PCDHGA9: variants seen among roughly 807,000 people sequenced by gnomAD.
PCDHGA9 encodes the protein protocadherin gamma subfamily A, 9.
A neutral mutation model predicts 62.5 loss-of-function variants in PCDHGA9; 37 were observed. That is an observed-to-expected ratio of 0.59 (90% CI 0.46 to 0.78). The LOEUF is 0.78. Ranked by LOEUF, PCDHGA9 falls within the 30% of genes least tolerant of loss-of-function variation. The pLI, the probability that PCDHGA9 is intolerant of heterozygous loss-of-function variation, is 0.00. For missense variants in PCDHGA9, 1,138 were observed against 1,166.2 expected, an observed-to-expected ratio of 0.98 and a Z score of 0.35; for synonymous variants, 459 against 484.6, an observed-to-expected ratio of 0.95 and a Z score of 0.69.
At position 141,485,325 on chromosome 5, in the gene PCDHGA9, A is replaced by T; in HGVS notation, c.2425-9482A>T. 6.2e-7 allele frequency: 1 copy of T among 1,614,078 alleles called. No homozygotes were observed. Among genetic ancestry groups the T allele is most frequent in the Non-Finnish European group, 8.5e-7 (1 of 1,180,014 alleles). ...ACTTTTGTAGGGAATGTCGCTCAAG[A>T]TTTCCTGCTGGATACGGACAGTCTG... is the stretch of plus-strand genomic sequence containing the variant. On this transcript the variant is annotated intron_variant, in intron 1 of 3. Coordinates refer to ENST00000573521, the MANE Select transcript of PCDHGA9 (RefSeq NM_018921.3). This position sits in a 1 kb window ranked among gnomAD's most constrained non-coding sequence, Gnocchi z 5.7.
At position 141,405,309 on chromosome 5, in the gene PCDHGA9, A is replaced by T. The variant is rs1019536231; in HGVS notation, c.2357A>T (p.Glu786Val). The change falls in exon 1 of 4, where the codon GAG becomes GTG. Residue 786 changes from glutamate (E) to valine (V), a missense_variant. Physicochemically the swap from Glu to Val is moderately radical, Grantham distance 121. Coordinates refer to ENST00000573521, the MANE Select transcript of PCDHGA9 (RefSeq NM_018921.3). ...ACACTCATCAGCCAGCAGAGCTGTGAGAAAAATGAGCCTTTGTGCGTCTCT... is the reference window on the plus strand; with the variant it reads ...ACACTCATCAGCCAGCAGAGCTGTGTGAAAAATGAGCCTTTGTGCGTCTCT... ...ADTLISQQSC[E>V]KNEPLCVSVD... The T allele has an allele frequency of 1.2e-6, 2 of 1,614,068 alleles. No homozygotes were observed. Among genetic ancestry groups the T allele is most frequent in the Non-Finnish European group, 1.7e-6 (2 of 1,180,028 alleles).
intron 1 of PCDHGA9, chr5:141,478,477 C>T: frequency 6.2e-7 from 1 of 1,613,796 alleles, no homozygotes; most frequent in Non-Finnish European, 8.5e-7. Flanking sequence ...GCCGCCAGAA[C>T]ACGCTGCGGA....
intron 3 of PCDHGA9, among the ~76,000 whole-genome samples, chr5:141,508,752 C>G (rs2099871515): frequency 6.6e-6 from 1 of 152,028 alleles, no homozygotes. Flanking sequence ...CGCTCTTTCT[C>G]TGGCGCCTCT....
intron 1 of PCDHGA9, among the ~76,000 whole-genome samples, chr5:141,472,192 C>A (rs2099274015): frequency 1.3e-5 from 2 of 152,134 alleles, no homozygotes; most frequent in South Asian, 2.1e-4. Context: ...GAATTTGAAT[C>A]TTTTTGACAC....
chr5:141,502,601 A>G (rs2099815205), intron 2 of PCDHGA9, among the ~76,000 whole-genome samples: 1 of 152,218 alleles, frequency 6.6e-6, no homozygotes, highest in Non-Finnish European at 1.5e-5. Flanking sequence ...ATATTTTAAA[A>G]TATTTGTGAA....
At chr5:141,481,531 G>A (rs1342825952) in intron 1 of PCDHGA9, among the ~76,000 whole-genome samples, 2 of 152,206 alleles carry the variant, frequency 1.3e-5, no homozygotes, top group African/African-American at 4.8e-5. Context: ...AAAATCTAGA[G>A]ATGGGGCTGG....
chr5:141,410,518 C>T (rs753664223), intron 1 of PCDHGA9: 1 of 1,613,820 alleles, frequency 6.2e-7, no homozygotes, highest in Non-Finnish European at 8.5e-7. Flanking sequence ...GCAGTGTGCC[C>T]CTACATTCCA....
chr5:141,427,825 C>A (rs1342117815), intron 1 of PCDHGA9: 1 of 1,536,464 alleles, frequency 6.5e-7, no homozygotes, highest in Non-Finnish European at 8.9e-7. Flanking sequence ...GTGGTGGTCG[C>A]GCAGCGTGCC....
Position 141,423,756 on chromosome 5 carries a change from G to GA in PCDHGA9, c.2424+18380_2424+18381insA. ...GCCTGTTATGAAAACTGTTTGGGGGGGGGGTGGGGCGGCATATATTTAGTT... is the reference window on the plus strand; with the variant it reads ...GCCTGTTATGAAAACTGTTTGGGGGGAGGGGTGGGGCGGCATATATTTAGTT... On this transcript the variant is annotated intron_variant, in intron 1 of 3. Transcript: ENST00000573521. 2 of 448,622 alleles carry GA rather than the reference G, an allele frequency of 4.5e-6. 1 individual carries two copies. The highest frequency in any genetic ancestry group is 6.1e-6 in the Non-Finnish European group (2 of 329,708). 27.8% of individuals were successfully genotyped at this position (448,622 alleles called of 1,614,324 possible). A position where few individuals can be genotyped will look rare whatever the true frequency, so the allele number is the denominator to read the frequency against.
rs777099869 is a variant in PCDHGA9, at chr5:141,405,185, G to C, written c.2233G>C (p.Gly745Arg). The C allele has an allele frequency of 2.5e-6, 4 of 1,613,066 alleles. No individual in the cohort carries two copies. Among genetic ancestry groups the C allele is most frequent in the Non-Finnish European group, 3.4e-6 (4 of 1,179,724 alleles). The change falls in exon 1 of 4, where the codon GGG becomes CGG. Residue 745 changes from glycine (G) to arginine (R), a missense_variant. By Grantham distance (125) the Gly-to-Arg change is moderately radical. Transcript: ENST00000573521. ...VPTSHFVGVD[G>R]VRAFLQTYSQ... ...CACCTCACACTTTGTGGGTGTAGAT[G>C]GGGTTCGAGCTTTCCTACAGACCTA...
rs754537015 is a variant in PCDHGA9 at position 141,431,184 on chromosome 5, T to C, written c.2424+25808T>C. The C allele has an allele frequency of 2.5e-6, 4 of 1,614,090 alleles. No individual in the cohort carries two copies. In the South Asian group the frequency reaches 3.3e-5, roughly 13 times the overall value. ...CGTGAAAGTGAATTAGAAATAAAAATTAGTGAAAATGCAGCCACTGAGATG... is the reference window on the plus strand; with the variant it reads ...CGTGAAAGTGAATTAGAAATAAAAACTAGTGAAAATGCAGCCACTGAGATG... On this transcript the variant is annotated intron_variant, in intron 1 of 3. Coordinates refer to ENST00000573521, the MANE Select transcript of PCDHGA9 (RefSeq NM_018921.3). This position sits in a 1 kb window ranked among gnomAD's most constrained non-coding sequence, Gnocchi z 4.8.
intron 3 of PCDHGA9, 149 bp downstream of exon 3, chr5:141,505,630 A>G (rs558394591): frequency 4.7e-5 from 69 of 1,480,262 alleles, no homozygotes; most frequent in Admixed American, 2.2e-5. Flanking sequence ...AATTCCAAAC[A>G]TAAAGCCTGG....
At chr5:141,468,077 C>T (rs180732917) in intron 1 of PCDHGA9, among the ~76,000 whole-genome samples, 1 of 152,152 alleles carries the variant, frequency 6.6e-6, no homozygotes, top group East Asian at 1.9e-4. Flanking sequence ...GTAATCCCAG[C>T]ACTTTGGGAG....
At chr5:141,468,797 C>A (rs191599825) in intron 1 of PCDHGA9, among the ~76,000 whole-genome samples, 1 of 151,770 alleles carries the variant, frequency 6.6e-6, no homozygotes, top group East Asian at 1.9e-4. Context: ...ACCCGGGAGG[C>A]GGAACTTGCA....
rs763582836 is a variant in PCDHGA9 at position 141,404,442 on chromosome 5, A to G, written c.1490A>G (p.Gln497Arg). ...VIYSLAEDTI[Q>R]GSPLSTYVSI... is the part of the protein sequence containing the mutation. Reference sequence around the variant, plus strand: ...TACTCCTTGGCAGAGGATACCATCCAAGGGTCTCCTCTCTCCACCTATGTC... The same window carrying G: ...TACTCCTTGGCAGAGGATACCATCCGAGGGTCTCCTCTCTCCACCTATGTC... The change falls in exon 1 of 4, where the codon CAA (glutamine) becomes CGA (arginine). Residue 497 changes from glutamine to arginine, a missense_variant. Transcript: ENST00000573521. 21 of 1,610,906 alleles carry G rather than the reference A, an allele frequency of 1.3e-5. No homozygotes were observed. In the Admixed American group the frequency reaches 3.5e-4, roughly 27 times the overall value.
At chr5:141,502,925 C>T (rs962871271) in intron 2 of PCDHGA9, among the ~76,000 whole-genome samples, 5 of 145,518 alleles carry the variant, frequency 3.4e-5, no homozygotes, top group Non-Finnish European at 5.9e-5. Flanking sequence ...GCAGTGGCAA[C>T]CTTCACCTCC....
chr5:141,411,724 A>G (rs2095509404), intron 1 of PCDHGA9: 1 of 152,684 alleles, frequency 6.5e-6, no homozygotes, highest in South Asian at 2.1e-4. Flanking sequence ...GCTACAGAAC[A>G]TTTAAAAATT....
At chr5:141,507,178 G>A (rs548016031) in intron 3 of PCDHGA9, 4 of 152,350 alleles carry the variant, frequency 2.6e-5, no homozygotes, top group East Asian at 3.9e-4. Flanking sequence ...CCTCTTCCTC[G>A]AGCTCTGCTT....
rs1460626002 is a variant in PCDHGA9, at chr5:141,486,935, C to A, written c.2425-7872C>A. ...ACTGCCTCCATCAGTTGGTGCTGGC[C>A]ACCTAATCACAAAGGTGACTGCTGT... On this transcript the variant is annotated intron_variant, in intron 1 of 3. Transcript: ENST00000573521. This position sits in a 1 kb window ranked among gnomAD's most constrained non-coding sequence, Gnocchi z 5.0. 5 of 1,614,228 alleles carry A rather than the reference C, an allele frequency of 3.1e-6. No individual in the cohort carries two copies. The highest frequency in any genetic ancestry group is 4.2e-6 in the Non-Finnish European group (5 of 1,180,038).
Sources: gnomAD v4.1 joint callset for allele counts (sites outside exome capture counted in the v4.1 genomes callset) on GRCh38, gnomAD v4.1.1 for gene constraint, Gnocchi (gnomAD v3.1) non-coding constraint, MANE v1.5 for transcripts, NCBI Gene and HGNC (gene_info 2026-07-23, HGNC 2026-07-21) for gene names.